The following SRBD1 variants were observed in gnomAD, a reference collection of about 807,000 sequenced individuals.
SRBD1 encodes S1 RNA-binding domain-containing protein 1.
Under a neutral mutation model 115.3 loss-of-function variants are expected in SRBD1, and 88 were observed. That is an observed-to-expected ratio of 0.76 (90% CI 0.64 to 0.91). The LOEUF is 0.91. Ranked by LOEUF, SRBD1 falls within the 40% of genes least tolerant of loss-of-function variation. The probability of loss-of-function intolerance (pLI) is 0.00; values close to 1 mark genes in which losing one functional copy is unlikely to be tolerated. For synonymous variants in SRBD1, 509 were observed against 407.7 expected (o/e 1.25, Z -2.99); for missense variants, 1,385 against 1,177.4 (o/e 1.18, Z -2.58).
intron 7 of SRBD1, among the ~76,000 whole-genome samples, chr2:45,576,469 T>C (rs72882471): frequency 0.013 from 2,050 of 152,268 alleles, 45 homozygotes; most frequent in African/African-American, 0.047. Flanking sequence ...CTCTGTATTA[T>C]GCAACGGTCA....
At chr2:45,607,823 G>C (rs898702502) in intron 1 of SRBD1, among the ~76,000 whole-genome samples, 14 of 152,150 alleles carry the variant, frequency 9.2e-5, no homozygotes, top group Non-Finnish European at 1.6e-4. Flanking sequence ...CTAGACTGTG[G>C]GCATGGGAAC....
Position 45,418,545 on chromosome 2 carries a change from G to GAA in SRBD1, c.2157-6_2157-5dup, listed in dbSNP as rs533484113. The GAA allele has an allele frequency of 6.8e-6, 9 of 1,327,346 alleles. No homozygotes were observed. The highest frequency in any genetic ancestry group is 3.3e-5 in the African/African-American group (2 of 61,156). 82.2% of individuals were successfully genotyped at this position (1,327,346 alleles called of 1,614,324 possible). On this transcript the variant is annotated splice_region_variant and splice_polypyrimidine_tract_variant and intron_variant, in intron 17 of 20. Transcript: ENST00000263736. Reference sequence around the variant, plus strand: ...GGCATTGAGTCCTGCAATATGCCTAGAAAAAAAAAATAAGCAAACTGAAAA... The same window carrying GAA: ...GGCATTGAGTCCTGCAATATGCCTAGAAAAAAAAAAAATAAGCAAACTGAAAA...
chr2:45,435,117 G>T (rs1299827179), intron 16 of SRBD1, among the ~76,000 whole-genome samples: 1 of 152,002 alleles, frequency 6.6e-6, no homozygotes, highest in African/African-American at 2.4e-5. Flanking sequence ...CCTTTTTTAT[G>T]GATGCTTAGT....
chr2:45,550,570 T>C (rs985239175), intron 12 of SRBD1, among the ~76,000 whole-genome samples: 1 of 146,178 alleles, frequency 6.8e-6, no homozygotes, highest in Non-Finnish European at 1.5e-5. Flanking sequence ...AAGCAAAAAA[T>C]ATTCTTCAAA....
At chr2:45,490,881 C>T (rs1480406141) in intron 14 of SRBD1, among the ~76,000 whole-genome samples, 1 of 152,104 alleles carries the variant, frequency 6.6e-6, no homozygotes, top group Non-Finnish European at 1.5e-5. Flanking sequence ...TAAATCAATA[C>T]AAAATGTAGT....
intron 17 of SRBD1, among the ~76,000 whole-genome samples, chr2:45,419,334 T>C (rs1383203946): frequency 1.3e-5 from 2 of 152,198 alleles, no homozygotes; most frequent in African/African-American, 4.8e-5. Context: ...CATGCGATTA[T>C]AGTATGATAA....
chr2:45,420,628 C>G (rs927343825), intron 16 of SRBD1, among the ~76,000 whole-genome samples: 7 of 152,188 alleles, frequency 4.6e-5, no homozygotes, highest in Non-Finnish European at 7.3e-5. Context: ...ACTGGCTAAG[C>G]TATTCCTAAA....
Position 45,545,324 on chromosome 2 carries a change from C to T in SRBD1, c.1874+1408G>A, listed in dbSNP as rs918447556. 3.1e-5 allele frequency among the ~76,000 whole-genome samples: 4 copies of T among 128,730 alleles called. No individual in the cohort carries two copies. In the East Asian group the frequency reaches 6.5e-4, roughly 21 times the overall value. 84.5% of individuals were successfully genotyped at this position (128,730 alleles called of 152,430 possible). A position where few individuals can be genotyped will look rare whatever the true frequency, so the allele number is the denominator to read the frequency against. ...AAAAAAAAAAAAAAAAACAGATGAA[C>T]CCAGATTTGTCTGACCCCACAGTTC... is the stretch of plus-strand genomic sequence containing the variant. On this transcript the variant is annotated intron_variant, in intron 14 of 20. Coordinates refer to ENST00000263736, the MANE Select transcript of SRBD1 (RefSeq NM_018079.5).
At chr2:45,452,177 A>G (rs1016689761) in intron 16 of SRBD1, among the ~76,000 whole-genome samples, 7 of 152,014 alleles carry the variant, frequency 4.6e-5, no homozygotes, top group African/African-American at 1.7e-4. Context: ...TGTCTTTAAA[A>G]TTTTTATTTT....
At chr2:45,586,807 A>C (rs1004485259) in intron 4 of SRBD1, among the ~76,000 whole-genome samples, 1 of 151,404 alleles carries the variant, frequency 6.6e-6, no homozygotes, top group African/African-American at 2.4e-5. Context: ...TCAGCCTCCG[A>C]AAGTGCTGGG....
Position 45,509,971 on chromosome 2 carries a change from G to C in SRBD1, c.1875-21640C>G, listed in dbSNP as rs1208200182. Among the ~76,000 whole-genome samples, 3 of 152,230 alleles carry C rather than the reference G, an allele frequency of 2.0e-5. No homozygotes were observed. The East Asian group carries it at 5.8e-4, about 29-fold the overall frequency. On this transcript the variant is annotated intron_variant, in intron 14 of 20. Coordinates refer to ENST00000263736, the MANE Select transcript of SRBD1 (RefSeq NM_018079.5). ...GCTGGTCTCAAACTCCTGAGCTCAAGTGATCCTCTCACCTTGGCCTCCCAA... is the reference window on the plus strand; with the variant it reads ...GCTGGTCTCAAACTCCTGAGCTCAACTGATCCTCTCACCTTGGCCTCCCAA...
intron 15 of SRBD1, among the ~76,000 whole-genome samples, chr2:45,486,135 A>T (rs1389976582): frequency 6.6e-6 from 1 of 152,106 alleles, no homozygotes; most frequent in Non-Finnish European, 1.5e-5. Flanking sequence ...GAATGTTGTA[A>T]TTCTGTCTCA....
At chr2:45,408,932 A>G (rs1169831227) in intron 19 of SRBD1, among the ~76,000 whole-genome samples, 1 of 152,208 alleles carries the variant, frequency 6.6e-6, no homozygotes, top group Admixed American at 6.5e-5. Flanking sequence ...ATACATTATA[A>G]AAGATACTGG....
At chr2:45,544,955 C>A (rs954174440) in intron 14 of SRBD1, among the ~76,000 whole-genome samples, 6 of 152,088 alleles carry the variant, frequency 3.9e-5, no homozygotes, top group Non-Finnish European at 1.5e-5. Flanking sequence ...CTAAGTAACT[C>A]TTCAAAACCT....
chr2:45,444,404 G>C (rs1668758960), intron 16 of SRBD1, among the ~76,000 whole-genome samples: 1 of 152,118 alleles, frequency 6.6e-6, no homozygotes, highest in Admixed American at 6.5e-5. Flanking sequence ...AAAGAAATAA[G>C]CTTGTTAATA....
chr2:45,504,886 C>T (rs1670751163), intron 14 of SRBD1, among the ~76,000 whole-genome samples: 1 of 152,070 alleles, frequency 6.6e-6, no homozygotes, highest in African/African-American at 2.4e-5. Context: ...CTGCAATTTC[C>T]TCGTGAAGTC....
intron 16 of SRBD1, among the ~76,000 whole-genome samples, chr2:45,440,054 T>A (rs1260766543): frequency 6.6e-6 from 1 of 152,182 alleles, no homozygotes; most frequent in East Asian, 1.9e-4. Context: ...CCAGAATCAT[T>A]CTCAGCATAG....
chr2:45,425,508 C>T (rs1471093316), intron 16 of SRBD1, among the ~76,000 whole-genome samples: 1 of 152,030 alleles, frequency 6.6e-6, no homozygotes, highest in Admixed American at 6.6e-5. Flanking sequence ...AAAAATCACA[C>T]AGTAGGGGGT....
intron 14 of SRBD1, among the ~76,000 whole-genome samples, chr2:45,496,277 C>A (rs1053233069): frequency 6.6e-6 from 1 of 152,042 alleles, no homozygotes; most frequent in Non-Finnish European, 1.5e-5. Flanking sequence ...TAGAATAAAA[C>A]ATATTGCAAA....
Sources: gnomAD v4.1 joint callset for allele counts (sites outside exome capture counted in the v4.1 genomes callset) on GRCh38, gnomAD v4.1.1 for gene constraint, MANE v1.5 for transcripts, NCBI Gene and HGNC (gene_info 2026-07-23, HGNC 2026-07-21) for gene names.